CNTNAP5: variants seen among roughly 807,000 people sequenced by gnomAD.
CNTNAP5 encodes the protein contactin associated protein family member 5.
In CNTNAP5, 72 loss-of-function variants were observed where a neutral mutation model predicts 150.2. That is an observed-to-expected ratio of 0.48 (90% CI 0.40 to 0.58). CNTNAP5 has a LOEUF of 0.58. CNTNAP5 is among the 20% of genes least tolerant of loss of function. CNTNAP5 has a pLI of 0.00. For missense variants in CNTNAP5, 1,636 were observed against 1,626.2 expected, an observed-to-expected ratio of 1.01 and a Z score of -0.10; for synonymous variants, 672 against 619.8, an observed-to-expected ratio of 1.08 and a Z score of -1.25.
At chr2:124,461,981 T>C (rs891842389) in intron 6 of CNTNAP5, among the ~76,000 whole-genome samples, 2 of 151,176 alleles carry the variant, frequency 1.3e-5, no homozygotes, top group Non-Finnish European at 3.0e-5. Context: ...AAAAATAAAA[T>C]AAAAATAAAA....
At position 124,860,444 on chromosome 2, in the gene CNTNAP5, CTTCCTTCT is replaced by C. The variant is rs1389589800; in HGVS notation, c.3218-4854_3218-4847del. Among the ~76,000 whole-genome samples the C allele has an allele frequency of 1.1e-3, 121 of 112,140 alleles. 6 individuals carry two copies. The highest frequency in any genetic ancestry group is 3.6e-3 in the African/African-American group (74 of 20,548). The allele number at this position is 112,140 out of a possible 152,430, so 73.6% of individuals were successfully genotyped here. On this transcript the variant is annotated intron_variant, in intron 19 of 23. Coordinates refer to ENST00000682447, the MANE Select transcript of CNTNAP5 (RefSeq NM_001367498.1). ...CCTTCCTTCCTTCCTTCCTTCCTTC[CTTCCTTCT>C]TTCCTTCCTTCCTTCCTTCCTTCCT...
At chr2:124,142,432 A>C (rs1267090572) in intron 1 of CNTNAP5, among the ~76,000 whole-genome samples, 1 of 151,906 alleles carries the variant, frequency 6.6e-6, no homozygotes, top group South Asian at 2.1e-4. Context: ...AAATTATAAC[A>C]AACTATCTCT....
At chr2:124,790,918 A>G (rs549101285) in intron 18 of CNTNAP5, among the ~76,000 whole-genome samples, 1 of 152,356 alleles carries the variant, frequency 6.6e-6, no homozygotes, top group Non-Finnish European at 1.5e-5. Flanking sequence ...TTTCAAACAT[A>G]AGGAAAAAGA....
At chr2:124,607,067 C>A (rs74779521) in intron 11 of CNTNAP5, among the ~76,000 whole-genome samples, 1 of 152,120 alleles carries the variant, frequency 6.6e-6, no homozygotes, top group African/African-American at 2.4e-5. Context: ...ATGAGGGAGG[C>A]TCTTTTTGAG....
chr2:124,333,342 G>A (rs1689395134), intron 3 of CNTNAP5, among the ~76,000 whole-genome samples: 1 of 152,090 alleles, frequency 6.6e-6, no homozygotes, highest in Non-Finnish European at 1.5e-5. Flanking sequence ...GATACAAACT[G>A]TGTCTTTGTA....
chr2:124,527,067 AC>A (rs1694984979), intron 9 of CNTNAP5, among the ~76,000 whole-genome samples: 1 of 152,156 alleles, frequency 6.6e-6, no homozygotes, highest in African/African-American at 2.4e-5. Flanking sequence ...TCCCTTTGCC[AC>A]GCTTTTTATT....
chr2:124,070,041 GT>G (rs1271745898), intron 1 of CNTNAP5, among the ~76,000 whole-genome samples: 1 of 152,076 alleles, frequency 6.6e-6, no homozygotes, highest in Non-Finnish European at 1.5e-5. Context: ...TAAAAAGTGG[GT>G]GGGTAAAGTT....
chr2:124,585,380 A>G (rs1696504680), intron 11 of CNTNAP5, among the ~76,000 whole-genome samples: 1 of 152,208 alleles, frequency 6.6e-6, no homozygotes, highest in Non-Finnish European at 1.5e-5. Context: ...CTATCCTGGC[A>G]AAACAGGGAT....
At chr2:124,404,805 C>T (rs76203151) in intron 3 of CNTNAP5, among the ~76,000 whole-genome samples, 1,993 of 152,136 alleles carry the variant, frequency 0.013, 36 homozygotes, top group African/African-American at 0.045. Flanking sequence ...ATTTCACTCT[C>T]TCTGTGACCA....
rs778863758 is a variant in CNTNAP5 at position 124,419,140 on chromosome 2, C to CAAAA, written c.529+1570_529+1573dup. ...TGGGCGACAGAGCGAGACTCCTTCT[C>CAAAA]AAAAAAAAAAAAAAAAAAAAAAACA... is the stretch of plus-strand genomic sequence containing the variant. On this transcript the variant is annotated intron_variant, in intron 4 of 23. Transcript: ENST00000682447. Among the ~76,000 whole-genome samples the CAAAA allele has an allele frequency of 3.6e-3, 104 of 28,906 alleles. 11 individuals carry two copies. The highest frequency in any genetic ancestry group is 6.0e-3 in the African/African-American group (57 of 9,428). The allele number at this position is 28,906 out of a possible 152,430, so 19.0% of individuals were successfully genotyped here.
chr2:124,133,259 G>A (rs914273532), intron 1 of CNTNAP5, among the ~76,000 whole-genome samples: 2 of 151,968 alleles, frequency 1.3e-5, no homozygotes, highest in African/African-American at 4.8e-5. Flanking sequence ...TCTGTTTTAA[G>A]TGAGTGTCCC....
At chr2:124,170,534 G>A (rs1451069750) in intron 1 of CNTNAP5, among the ~76,000 whole-genome samples, 1 of 152,158 alleles carries the variant, frequency 6.6e-6, no homozygotes, top group Non-Finnish European at 1.5e-5. Context: ...TGAAAGGCAG[G>A]CAAGAGTGCC....
intron 3 of CNTNAP5, among the ~76,000 whole-genome samples, chr2:124,347,657 T>C: frequency 6.6e-6 from 1 of 152,210 alleles, no homozygotes; most frequent in East Asian, 1.9e-4. Flanking sequence ...CTGACTGATA[T>C]TTCTATTTAA....
At chr2:124,429,036 A>C (rs927549807) in intron 4 of CNTNAP5, among the ~76,000 whole-genome samples, 22 of 152,214 alleles carry the variant, frequency 1.4e-4, no homozygotes, top group African/African-American at 5.1e-4. Flanking sequence ...TTTGATTTCT[A>C]TAACCAGACC....
intron 11 of CNTNAP5, among the ~76,000 whole-genome samples, chr2:124,605,270 A>G (rs1342695181): frequency 6.6e-6 from 1 of 152,180 alleles, no homozygotes; most frequent in Non-Finnish European, 1.5e-5. Flanking sequence ...CTTAAAGTCA[A>G]ATTTGGAGTT....
intron 3 of CNTNAP5, among the ~76,000 whole-genome samples, chr2:124,348,066 G>T (rs1446868019): frequency 6.6e-6 from 1 of 151,976 alleles, no homozygotes. Flanking sequence ...TCCTGACCTA[G>T]TGAGCCGCCC....
At chr2:124,761,901 A>G (rs984600794) in intron 14 of CNTNAP5, among the ~76,000 whole-genome samples, 21 of 152,138 alleles carry the variant, frequency 1.4e-4, no homozygotes, top group African/African-American at 4.8e-4. Flanking sequence ...CTTTTGTGGA[A>G]AAGATGCCAG....
At chr2:124,524,192 T>G in intron 8 of CNTNAP5, 111 bp from the exon 9 acceptor site, 1 of 987,834 alleles carries the variant, frequency 1.0e-6, no homozygotes, top group South Asian at 1.6e-5. Flanking sequence ...GAGTGAGGAG[T>G]GGGTTTGCTC....
At chr2:124,827,834 G>C (rs1223657383) in intron 19 of CNTNAP5, among the ~76,000 whole-genome samples, 1 of 152,118 alleles carries the variant, frequency 6.6e-6, no homozygotes, top group African/African-American at 2.4e-5. Flanking sequence ...TCTTTTGTCT[G>C]TGTTCTGTAG....
Sources: gnomAD v4.1 joint callset for allele counts (sites outside exome capture counted in the v4.1 genomes callset) on GRCh38, gnomAD v4.1.1 for gene constraint, MANE v1.5 for transcripts, NCBI Gene and HGNC (gene_info 2026-07-23, HGNC 2026-07-21) for gene names.